The following STXBP5L variants were observed in gnomAD, a reference collection of about 807,000 sequenced individuals.
STXBP5L encodes the protein syntaxin binding protein 5L.
Under a neutral mutation model 144.5 loss-of-function variants are expected in STXBP5L, and 65 were observed. That is an observed-to-expected ratio of 0.45 (90% CI 0.37 to 0.55). STXBP5L has a LOEUF of 0.55. Ranked by LOEUF, STXBP5L falls within the 20% of genes least tolerant of loss-of-function variation. The pLI, the probability that STXBP5L is intolerant of heterozygous loss-of-function variation, is 0.00. For synonymous variants in STXBP5L, 505 were observed against 469.6 expected (o/e 1.08, Z -0.97); for missense variants, 1,298 against 1,405.5 (o/e 0.92, Z 1.22).
chr3:120,947,859 G>A (rs1004320264), intron 2 of STXBP5L, among the ~76,000 whole-genome samples: 2 of 151,708 alleles, frequency 1.3e-5, no homozygotes, highest in East Asian at 1.9e-4. Context: ...TTCATCAGTC[G>A]ATGGACATTT....
chr3:121,006,349 GT>G (rs1944302780), intron 3 of STXBP5L, among the ~76,000 whole-genome samples: 2 of 152,030 alleles, frequency 1.3e-5, no homozygotes, highest in South Asian at 4.1e-4. Context: ...TTTAAAGTCT[GT>G]TTTATCAGAG....
chr3:120,975,054 A>C (rs187289931), intron 3 of STXBP5L, among the ~76,000 whole-genome samples: 4 of 152,246 alleles, frequency 2.6e-5, no homozygotes, highest in Admixed American at 2.6e-4. Context: ...ATGAACTTTA[A>C]AGTAGTTTTT....
At position 121,368,693 on chromosome 3, in the gene STXBP5L, C is replaced by T. The variant is rs776729358; in HGVS notation, c.2177-10023C>T. 7.9e-5 allele frequency among the ~76,000 whole-genome samples: 12 copies of T among 152,202 alleles called. No individual in the cohort carries two copies. The East Asian group carries it at 1.9e-3, about 24-fold the overall frequency. Reference sequence around the variant, plus strand: ...TTTGCTTTATAGTTGTAATCTGTCTCTGTGCCAAGGACTGGTCTGGGGTGT... The same window carrying T: ...TTTGCTTTATAGTTGTAATCTGTCTTTGTGCCAAGGACTGGTCTGGGGTGT... On this transcript the variant is annotated intron_variant, in intron 20 of 26. Transcript: ENST00000471454.
intron 19 of STXBP5L, among the ~76,000 whole-genome samples, chr3:121,307,881 A>T (rs1227734389): frequency 1.3e-5 from 2 of 152,230 alleles, no homozygotes; most frequent in Non-Finnish European, 2.9e-5. Flanking sequence ...GCATCATAGT[A>T]AACATGCTGA....
intron 5 of STXBP5L, among the ~76,000 whole-genome samples, chr3:121,095,485 C>A (rs1182188590): frequency 6.6e-6 from 1 of 152,148 alleles, no homozygotes; most frequent in East Asian, 1.9e-4. Flanking sequence ...TTGTTCATTT[C>A]TTTTTACTCT....
At chr3:121,204,615 A>G (rs2048264878) in intron 9 of STXBP5L, among the ~76,000 whole-genome samples, 1 of 152,154 alleles carries the variant, frequency 6.6e-6, no homozygotes, top group African/African-American at 2.4e-5. Context: ...TAGATATGTA[A>G]TAGATAAACA....
chr3:120,959,051 G>A (rs1938408610), intron 3 of STXBP5L, among the ~76,000 whole-genome samples: 1 of 152,172 alleles, frequency 6.6e-6, no homozygotes, highest in Non-Finnish European at 1.5e-5. Flanking sequence ...AGCAACTTCA[G>A]CAAAGTCTCA....
intron 3 of STXBP5L, among the ~76,000 whole-genome samples, chr3:120,993,975 A>T (rs1381879350): frequency 1.3e-5 from 2 of 151,954 alleles, no homozygotes; most frequent in African/African-American, 4.8e-5. Flanking sequence ...AATTTCTTTC[A>T]TCAGTGTTTT....
In STXBP5L at chr3:121,305,084, C is replaced by A. The variant is rs943106894; in HGVS notation, c.2111-13391C>A. ...CAATTTAGATGAAATTAAGAGATTC[C>A]TTGAAAGACAAAACTCACCAAATGT... On this transcript the variant is annotated intron_variant, in intron 19 of 26. Transcript: ENST00000471454. 5.6e-4 allele frequency among the ~76,000 whole-genome samples: 85 copies of A among 151,998 alleles called. 1 individual carries two copies. The highest frequency in any genetic ancestry group is 3.3e-4 in the Admixed American group (5 of 15,262).
At chr3:121,268,391 A>G (rs141652594) in intron 18 of STXBP5L, among the ~76,000 whole-genome samples, 1 of 152,098 alleles carries the variant, frequency 6.6e-6, no homozygotes, top group African/African-American at 2.4e-5. Context: ...AACATCACAC[A>G]CTGGGACCTG....
At chr3:120,982,430 G>A (rs1368675084) in intron 3 of STXBP5L, among the ~76,000 whole-genome samples, 2 of 152,176 alleles carry the variant, frequency 1.3e-5, no homozygotes, top group Non-Finnish European at 2.9e-5. Context: ...CTCTGAAGGA[G>A]GGGAGTTGGC....
chr3:121,301,330 G>A (rs1360962639), intron 19 of STXBP5L, among the ~76,000 whole-genome samples: 15 of 151,740 alleles, frequency 9.9e-5, no homozygotes, highest in Admixed American at 8.5e-4. Flanking sequence ...GAGTTCACTC[G>A]ATTTGGCTCT....
intron 3 of STXBP5L, among the ~76,000 whole-genome samples, chr3:120,980,082 A>G (rs1206909226): frequency 2.0e-5 from 3 of 152,138 alleles, no homozygotes; most frequent in Non-Finnish European, 2.9e-5. Flanking sequence ...TGTAGTCTGA[A>G]AAAAATACTT....
intron 5 of STXBP5L, among the ~76,000 whole-genome samples, chr3:121,048,699 T>G (rs528283658): frequency 2.0e-5 from 3 of 152,086 alleles, no homozygotes; most frequent in South Asian, 4.2e-4. Context: ...TTTTTTTTTT[T>G]TTTTAAGACA....
At chr3:121,306,273 T>C (rs982660093) in intron 19 of STXBP5L, among the ~76,000 whole-genome samples, 2 of 152,160 alleles carry the variant, frequency 1.3e-5, no homozygotes, top group African/African-American at 2.4e-5. Context: ...CCAGCATTTC[T>C]CATCCCCTCC....
rs147439419 is a variant in STXBP5L at position 121,213,893 on chromosome 3, T to C, written c.956+7892T>C. ...TTAATTACTGCCTCAATTTTAGAAC[T>C]TATTTGTTCAGGGATTTGAGTTTTT... is the stretch of plus-strand genomic sequence containing the variant. On this transcript the variant is annotated intron_variant, in intron 10 of 26. Transcript: ENST00000471454. 3.1e-3 allele frequency among the ~76,000 whole-genome samples: 462 copies of C among 151,252 alleles called. 2 individuals are homozygous for C. Among genetic ancestry groups the C allele is most frequent in the African/African-American group, 0.01 (431 of 41,410 alleles).
chr3:121,206,097 A>T, intron 10 of STXBP5L, 96 bp downstream of exon 10: 2 of 667,232 alleles, frequency 3.0e-6, no homozygotes, highest in Non-Finnish European at 4.8e-6. Flanking sequence ...GTTTTACAAA[A>T]TTGTAAAGAC....
intron 5 of STXBP5L, among the ~76,000 whole-genome samples, chr3:121,070,247 C>T (rs1338880460): frequency 6.6e-6 from 1 of 152,174 alleles, no homozygotes; most frequent in African/African-American, 2.4e-5. Flanking sequence ...ACAAAGGCAG[C>T]ATTACGACAT....
chr3:121,175,802 A>G (rs770197539), intron 9 of STXBP5L, among the ~76,000 whole-genome samples: 1 of 152,024 alleles, frequency 6.6e-6, no homozygotes, highest in Non-Finnish European at 1.5e-5. Flanking sequence ...AGACTCAACT[A>G]CATGTTGTCT....
Sources: gnomAD v4.1 joint callset for allele counts (sites outside exome capture counted in the v4.1 genomes callset) on GRCh38, gnomAD v4.1.1 for gene constraint, MANE v1.5 for transcripts, NCBI Gene and HGNC (gene_info 2026-07-23, HGNC 2026-07-21) for gene names.